EPHA5: variants seen among roughly 807,000 people sequenced by gnomAD.
EPHA5 encodes the protein EPH receptor A5.
EPHA5 carries 60 observed loss-of-function variants against 105.0 expected under a neutral mutation model. The observed-to-expected ratio is 0.57, with a 90% CI of 0.46 to 0.71. The LOEUF (loss-of-function observed/expected upper bound fraction) is 0.71. EPHA5 is among the 30% of genes least tolerant of loss of function. EPHA5 has a pLI of 0.00. For missense variants in EPHA5, 1,218 were observed against 1,274.7 expected (o/e 0.96, Z 0.68); for synonymous variants, 513 against 449.1 (o/e 1.14, Z -1.80).
chr4:65,598,148 T>C (rs996714054), intron 3 of EPHA5, among the ~76,000 whole-genome samples: 3 of 152,180 alleles, frequency 2.0e-5, no homozygotes, highest in African/African-American at 7.2e-5. Flanking sequence ...CATCATGTAA[T>C]ATGGCCATAT....
chr4:65,523,007 C>T (rs541858178), intron 3 of EPHA5, among the ~76,000 whole-genome samples: 19 of 151,830 alleles, frequency 1.3e-4, no homozygotes, highest in South Asian at 6.2e-4. Flanking sequence ...GAAAAATCAT[C>T]GTCAAATGGC....
At chr4:65,403,566 A>G (rs760737345) in intron 8 of EPHA5, among the ~76,000 whole-genome samples, 1 of 150,744 alleles carries the variant, frequency 6.6e-6, no homozygotes, top group Non-Finnish European at 1.5e-5. Flanking sequence ...ATTGTAGGAA[A>G]ACAGCATACT....
At chr4:65,544,823 C>A (rs1302408824) in intron 3 of EPHA5, among the ~76,000 whole-genome samples, 1 of 151,854 alleles carries the variant, frequency 6.6e-6, no homozygotes, top group Non-Finnish European at 1.5e-5. Context: ...TGTAACCAAC[C>A]CAAATGCCCA....
intron 4 of EPHA5, among the ~76,000 whole-genome samples, chr4:65,493,794 A>T (rs1731657035): frequency 6.6e-6 from 1 of 152,008 alleles, no homozygotes; most frequent in Non-Finnish European, 1.5e-5. Flanking sequence ...TTCCAATCCT[A>T]ACAAATTTGC....
intron 5 of EPHA5, among the ~76,000 whole-genome samples, chr4:65,445,908 G>A (rs1001334806): frequency 1.3e-5 from 2 of 152,092 alleles, no homozygotes; most frequent in Non-Finnish European, 2.9e-5. Flanking sequence ...TAAATACTGA[G>A]TTCATTCTGA....
In EPHA5 at chr4:65,348,174, G is replaced by A; in HGVS notation, c.2475C>T (p.Ala825=). ...ACTTTCGGAAAGCTATTGCTTCTGG[G>A]GCAGTCCATCTGATTGGAATTTTTC... ...RGGKIPIRWT[A]PEAIAFRKFT... Residue 825 remains alanine (A), a synonymous_variant, in exon 14 of 17, where the codon GCC becomes GCT. Transcript: ENST00000613740. 1.2e-6 allele frequency: 2 copies of A among 1,612,990 alleles called. No individual in the cohort carries two copies. The highest frequency in any genetic ancestry group is 8.5e-7 in the Non-Finnish European group (1 of 1,179,620).
chr4:65,564,558 G>A (rs1236450439), intron 3 of EPHA5, among the ~76,000 whole-genome samples: 2 of 151,564 alleles, frequency 1.3e-5, no homozygotes, highest in African/African-American at 4.8e-5. Context: ...CGTGTTAACC[G>A]AGCTCAGTCC....
At position 65,333,539 on chromosome 4, in the gene EPHA5, CTGTGTGTGTGTGTG is replaced by C. The variant is rs56925203; in HGVS notation, c.2790-1425_2790-1412del. ...TGCGTGTGCGTGTGAGAGTGTGTGTCTGTGTGTGTGTGTGTGTGTGTGTGTGTGTGTGTGTGTGT... is the reference window on the plus strand; with the variant it reads ...TGCGTGTGCGTGTGAGAGTGTGTGTCTGTGTGTGTGTGTGTGTGTGTGTGT... On this transcript the variant is annotated intron_variant, in intron 15 of 16. Transcript: ENST00000613740. Among the ~76,000 whole-genome samples, 958 of 111,836 alleles carry C rather than the reference CTGTGTGTGTGTGTG, an allele frequency of 8.6e-3. 11 individuals carry two copies. Among genetic ancestry groups the C allele is most frequent in the Middle Eastern group, 0.013 (3 of 238 alleles). 73.4% of individuals were successfully genotyped at this position (111,836 alleles called of 152,430 possible).
intron 3 of EPHA5, among the ~76,000 whole-genome samples, chr4:65,557,035 A>T (rs933200869): frequency 6.6e-6 from 1 of 151,688 alleles, no homozygotes; most frequent in Non-Finnish European, 1.5e-5. Flanking sequence ...CACTTTCTGT[A>T]GTTTCTTCTT....
At chr4:65,447,245 C>T (rs1488873485) in intron 5 of EPHA5, among the ~76,000 whole-genome samples, 2 of 151,862 alleles carry the variant, frequency 1.3e-5, no homozygotes, top group African/African-American at 2.4e-5. Flanking sequence ...TAGAATATGG[C>T]AATAGTTTCT....
rs59564363 is a variant in EPHA5 at position 65,632,026 on chromosome 4, T to G, written c.246+11337A>C. 2.8e-3 allele frequency among the ~76,000 whole-genome samples: 424 copies of G among 152,122 alleles called. 1 individual carries two copies. Among genetic ancestry groups the G allele is most frequent in the African/African-American group, 9.3e-3 (385 of 41,530 alleles). ...CACTGAGTCCTCAATATGGGTCAGGTATTGTGCTAAACACTGCATCACTGA... is the reference window on the plus strand; with the variant it reads ...CACTGAGTCCTCAATATGGGTCAGGGATTGTGCTAAACACTGCATCACTGA... On this transcript the variant is annotated intron_variant, in intron 2 of 16. Transcript: ENST00000613740.
chr4:65,599,337 T>C (rs560338211), intron 3 of EPHA5, among the ~76,000 whole-genome samples: 1 of 124,810 alleles, frequency 8.0e-6, no homozygotes, highest in Non-Finnish European at 1.7e-5. Context: ...AGAGTCATGG[T>C]GGCATTTTAT....
At chr4:65,543,053 G>A (rs911671607) in intron 3 of EPHA5, among the ~76,000 whole-genome samples, 9 of 151,886 alleles carry the variant, frequency 5.9e-5, no homozygotes, top group East Asian at 1.9e-4. Context: ...AATAAACTAC[G>A]TATTGATGGA....
intron 5 of EPHA5, among the ~76,000 whole-genome samples, chr4:65,468,521 A>G (rs1728936932): frequency 7.1e-6 from 1 of 140,500 alleles, no homozygotes; most frequent in Admixed American, 7.7e-5. Flanking sequence ...ACACATATAT[A>G]CAGACACACA....
intron 5 of EPHA5, among the ~76,000 whole-genome samples, chr4:65,455,213 A>T (rs947932813): frequency 2.0e-5 from 3 of 152,154 alleles, no homozygotes; most frequent in Admixed American, 6.5e-5. Flanking sequence ...AGCCTGGGAG[A>T]CAGAGAGAGA....
intron 4 of EPHA5, among the ~76,000 whole-genome samples, chr4:65,491,495 C>T (rs1578241161): frequency 6.6e-6 from 1 of 152,030 alleles, no homozygotes; most frequent in East Asian, 1.9e-4. Context: ...CCTCTAATAA[C>T]CTACCAAAAT....
intron 5 of EPHA5, among the ~76,000 whole-genome samples, chr4:65,465,467 AAAAG>A (rs749079632): frequency 0.014 from 1,059 of 74,892 alleles, 48 homozygotes; most frequent in African/African-American, 0.025. Context: ...AAAAGAAAGA[AAAAG>A]AAAGAAAGAA....
intron 11 of EPHA5, among the ~76,000 whole-genome samples, chr4:65,360,434 T>C (rs1717170874): frequency 6.6e-6 from 1 of 151,728 alleles, no homozygotes; most frequent in Non-Finnish European, 1.5e-5. Flanking sequence ...AGTTTGGATT[T>C]TGGAGTCAGA....
At chr4:65,567,231 C>G (rs1235716812) in intron 3 of EPHA5, among the ~76,000 whole-genome samples, 1 of 151,734 alleles carries the variant, frequency 6.6e-6, no homozygotes, top group African/African-American at 2.4e-5. Flanking sequence ...AGTCAGCAAA[C>G]TTGGTAGATA....
Sources: allele counts gnomAD v4.1 joint callset (sites outside exome capture counted in the v4.1 genomes callset), GRCh38; gene constraint gnomAD v4.1.1; transcripts MANE v1.5; gene names NCBI Gene and HGNC (gene_info 2026-07-23, HGNC 2026-07-21).